GPM6A: variants seen among roughly 807,000 people sequenced by gnomAD.
GPM6A encodes the protein neuronal membrane glycoprotein M6-a.
Under a neutral mutation model 32.1 loss-of-function variants are expected in GPM6A, and 7 were observed. That is an observed-to-expected ratio of 0.22 (90% CI 0.12 to 0.41). GPM6A has a LOEUF of 0.41. GPM6A is among the 10% of genes least tolerant of loss of function. The pLI, the probability that GPM6A is intolerant of heterozygous loss-of-function variation, is 1.00. For synonymous variants in GPM6A, 130 were observed against 123.4 expected (o/e 1.05, Z -0.35); for missense variants, 235 against 347.2 (o/e 0.68, Z 2.57).
At chr4:175,747,192 C>G (rs1669447465) in intron 1 of GPM6A, among the ~76,000 whole-genome samples, 1 of 148,412 alleles carries the variant, frequency 6.7e-6, no homozygotes, top group Admixed American at 6.9e-5. Flanking sequence ...ATCGCTTGAA[C>G]CGAGGTGGCA....
chr4:175,721,833 A>G (rs977631127), intron 1 of GPM6A, among the ~76,000 whole-genome samples: 1 of 152,202 alleles, frequency 6.6e-6, no homozygotes, highest in Non-Finnish European at 1.5e-5. Context: ...GATAATATTC[A>G]TATTAAGACT....
chr4:175,881,459 G>A (rs148533080), intron 1 of GPM6A, among the ~76,000 whole-genome samples: 3,870 of 152,172 alleles, frequency 0.025, 157 homozygotes, highest in African/African-American at 0.087. Flanking sequence ...ATCTAGAACT[G>A]GAAATACCAT....
In GPM6A at chr4:175,859,482, T is replaced by C. The variant is rs17609734; in HGVS notation, c.-22-47233A>G. On this transcript the variant is annotated intron_variant, in intron 1 of 7. Transcript: ENST00000280187. ...CTCAGTTTGTGTCATTCACTTTTAA[T>C]TCAGTATAATTTGTTCCATGAAATT... 5.0e-3 allele frequency among the ~76,000 whole-genome samples: 762 copies of C among 152,338 alleles called. 2 individuals carry two copies. Among genetic ancestry groups the C allele is most frequent in the South Asian group, 0.019 (93 of 4,832 alleles).
In GPM6A at chr4:175,701,779, C is replaced by G; in HGVS notation, c.38-12G>C. 1 of 1,561,620 alleles carries G rather than the reference C, an allele frequency of 6.4e-7. No individual in the cohort carries two copies. Among genetic ancestry groups the G allele is most frequent in the Non-Finnish European group, 8.7e-7 (1 of 1,147,624 alleles). On this transcript the variant is annotated splice_polypyrimidine_tract_variant and intron_variant, in intron 1 of 6. Coordinates refer to ENST00000393658, the MANE Select transcript of GPM6A (RefSeq NM_201591.3). ...GCATTCAAAACACCCTGTAGAAGAT[C>G]ACAAAGGGAGAAATTCATATTTTTG...
chr4:175,977,067 A>T (rs930863379), intron 1 of GPM6A, among the ~76,000 whole-genome samples: 5 of 152,220 alleles, frequency 3.3e-5, no homozygotes, highest in African/African-American at 1.2e-4. Flanking sequence ...TAAGGTCAAA[A>T]CATTGTATTC....
chr4:175,779,033 T>A lies in GPM6A; in HGVS notation c.37+33158A>T, dbSNP rs994992825. Among the ~76,000 whole-genome samples, 17 of 152,198 alleles carry A rather than the reference T, an allele frequency of 1.1e-4. No homozygotes were observed. The East Asian group carries it at 3.1e-3, about 28-fold the overall frequency. ...ATTTGTTGGTAATTGAGGTAAAATA[T>A]GTATTACAAAATGATATTCCAGAAA... On this transcript the variant is annotated intron_variant, in intron 1 of 6. Coordinates refer to ENST00000393658, the MANE Select transcript of GPM6A (RefSeq NM_201591.3).
At chr4:175,656,506 T>C (rs559187894) in intron 3 of GPM6A, among the ~76,000 whole-genome samples, 2 of 152,264 alleles carry the variant, frequency 1.3e-5, no homozygotes, top group East Asian at 3.9e-4. Context: ...GTAATTATTG[T>C]TTTGATGTCA....
At chr4:175,652,959 G>A (rs1233931014) in intron 3 of GPM6A, among the ~76,000 whole-genome samples, 1 of 152,062 alleles carries the variant, frequency 6.6e-6, no homozygotes, top group Non-Finnish European at 1.5e-5. Flanking sequence ...AACACCTCAA[G>A]TAGTCACATT....
chr4:175,889,392 G>A (rs1248031477), intron 1 of GPM6A, among the ~76,000 whole-genome samples: 7 of 152,052 alleles, frequency 4.6e-5, no homozygotes. Context: ...AGGCATGATG[G>A]TGTGTGCCAG....
chr4:175,656,395 C>G (rs897512332), intron 3 of GPM6A, among the ~76,000 whole-genome samples: 1 of 152,066 alleles, frequency 6.6e-6, no homozygotes, highest in South Asian at 2.1e-4. Context: ...TTTGTTTTTA[C>G]TCAGTATAAA....
chr4:175,749,059 C>G (rs1732215942), intron 1 of GPM6A, among the ~76,000 whole-genome samples: 1 of 152,142 alleles, frequency 6.6e-6, no homozygotes, highest in South Asian at 2.1e-4. Flanking sequence ...TAGAACCTCT[C>G]TTCTGGGAGT....
rs1222971079 is a variant in GPM6A at position 175,640,817 on chromosome 4, A to G, written c.554T>C (p.Ile185Thr). 3.1e-6 allele frequency: 5 copies of G among 1,596,948 alleles called. No homozygotes were observed. The highest frequency in any genetic ancestry group is 4.3e-6 in the Non-Finnish European group (5 of 1,164,870). Residue 185 changes from isoleucine (I) to threonine (T), a missense_variant, in exon 5 of 7, where the codon ATT becomes ACT. Ile to Thr is a moderately conservative substitution (Grantham distance 89). Transcript: ENST00000393658. ...AGTACAAATTTTCTTTTCCTCTCCA[A>G]TTGTCACAATTCCTACAATGTGTGG... ...LDLRQFGIVT[I>T]GEEKKICTVS...
At chr4:175,787,296 T>A in intron 1 of GPM6A, 1 of 1,169,358 alleles carries the variant, frequency 8.6e-7, no homozygotes, top group Middle Eastern at 1.9e-4. Flanking sequence ...CTCAATAGTT[T>A]CACTGATAAT....
At chr4:175,766,653 C>CTAT (rs1732979392) in intron 1 of GPM6A, among the ~76,000 whole-genome samples, 1 of 132,712 alleles carries the variant, frequency 7.5e-6, no homozygotes, top group East Asian at 2.3e-4. Flanking sequence ...TCCACTTACT[C>CTAT]TTTTTTTTTT....
At chr4:175,637,136 T>A (rs1452269127) in intron 6 of GPM6A, among the ~76,000 whole-genome samples, 1 of 81,206 alleles carries the variant, frequency 1.2e-5, no homozygotes, top group African/African-American at 4.7e-5. Context: ...TATAATATAT[T>A]ATATATGATA....
intron 1 of GPM6A, among the ~76,000 whole-genome samples, chr4:175,915,937 C>A (rs1335446802): frequency 6.6e-6 from 1 of 152,186 alleles, no homozygotes; most frequent in Non-Finnish European, 1.5e-5. Flanking sequence ...TGCGTGCACA[C>A]GGGGACTGGG....
At chr4:175,746,283 A>C (rs898312948) in intron 1 of GPM6A, among the ~76,000 whole-genome samples, 1 of 152,170 alleles carries the variant, frequency 6.6e-6, no homozygotes, top group Non-Finnish European at 1.5e-5. Flanking sequence ...GGGGCATTGT[A>C]GAATCACTTT....
intron 2 of GPM6A, among the ~76,000 whole-genome samples, chr4:175,684,556 T>C (rs896806803): frequency 2.6e-5 from 4 of 152,216 alleles, no homozygotes; most frequent in Admixed American, 1.3e-4. Context: ...AAATCAATTT[T>C]ATCTAAAAGA....
intron 3 of GPM6A, among the ~76,000 whole-genome samples, chr4:175,657,831 T>A (rs1467757498): frequency 6.6e-6 from 1 of 152,152 alleles, no homozygotes; most frequent in Non-Finnish European, 1.5e-5. Flanking sequence ...GGAAAATAGC[T>A]CTTGGCTATA....
Sources: gnomAD v4.1 joint callset for allele counts (sites outside exome capture counted in the v4.1 genomes callset) on GRCh38, gnomAD v4.1.1 for gene constraint, MANE v1.5 for transcripts, NCBI Gene and HGNC (gene_info 2026-07-23, HGNC 2026-07-21) for gene names.